MBTPS1: variants seen among roughly 807,000 people sequenced by gnomAD.
MBTPS1 encodes the protein membrane bound transcription factor peptidase, site 1.
Under a neutral mutation model 127.8 loss-of-function variants are expected in MBTPS1, and 94 were observed. The observed-to-expected ratio is 0.74, with a 90% confidence interval of 0.62 to 0.87. The LOEUF (loss-of-function observed/expected upper bound fraction) is 0.87. Ranked by LOEUF, MBTPS1 falls within the 40% of genes least tolerant of loss-of-function variation. The probability of loss-of-function intolerance (pLI) is 0.00; values close to 1 mark genes in which losing one functional copy is unlikely to be tolerated. For missense variants in MBTPS1, 1,636 were observed against 1,353.2 expected, an observed-to-expected ratio of 1.21 and a Z score of -3.28; for synonymous variants, 632 against 509.4, an observed-to-expected ratio of 1.24 and a Z score of -3.24.
intron 4 of MBTPS1, among the ~76,000 whole-genome samples, chr16:84,094,858 C>T (rs900050873): frequency 6.6e-6 from 1 of 152,022 alleles, no homozygotes; most frequent in African/African-American, 2.4e-5. Context: ...GAGGGCAGGG[C>T]GCCAAGGAGA....
chr16:84,091,342 C>A (rs566218093), intron 7 of MBTPS1, among the ~76,000 whole-genome samples: 6 of 151,942 alleles, frequency 3.9e-5, no homozygotes, highest in Non-Finnish European at 7.4e-5. Flanking sequence ...CAAAATTAGC[C>A]GGGCATGGTG....
chr16:84,061,044 C>A (rs929779435), intron 19 of MBTPS1: 5 of 329,934 alleles, frequency 1.5e-5, no homozygotes, highest in African/African-American at 8.4e-5. Flanking sequence ...TCTCAAACTC[C>A]TGGGCTCAAG....
At chr16:84,075,726 T>G (rs1235328591) in intron 11 of MBTPS1, 1 of 152,256 alleles carries the variant, frequency 6.6e-6, no homozygotes, top group African/African-American at 2.4e-5. Flanking sequence ...TGAATTGCTA[T>G]TTAAGAAACC....
At chr16:84,065,578 T>C (rs1018290346) in intron 18 of MBTPS1, 112 bp downstream of exon 18, 3 of 744,972 alleles carry the variant, frequency 4.0e-6, no homozygotes, top group Non-Finnish European at 7.1e-6. Flanking sequence ...GTAAATTATA[T>C]GCAATAAAGC....
intron 12 of MBTPS1, 77 bp from the exon 13 acceptor site, chr16:84,070,853 A>T: frequency 8.6e-7 from 1 of 1,160,404 alleles, no homozygotes; most frequent in Non-Finnish European, 1.2e-6. Context: ...GAAAAACTCA[A>T]TTCTTACCAA....
At chr16:84,088,008 G>C (rs1206953230) in intron 8 of MBTPS1, among the ~76,000 whole-genome samples, 1 of 152,104 alleles carries the variant, frequency 6.6e-6, no homozygotes, top group African/African-American at 2.4e-5. Context: ...ACTGTAGAAG[G>C]ACTATCATTA....
chr16:84,067,722 C>A lies in MBTPS1; in HGVS notation c.2173G>T (p.Asp725Tyr). ...CTCATAACAGAAGTGTTGTACCAGT[C>A]ACTGAAGATGACGAGCGAGAGGCCG... ...DNGLSLVIFS[D>Y]WYNTSVMRKV... Residue 725 changes from aspartate to tyrosine, a missense_variant, in exon 16 of 23, where the codon GAC becomes TAC. Transcript: ENST00000343411. 6.2e-7 allele frequency: 1 copy of A among 1,614,136 alleles called. No homozygotes were observed. The highest frequency in any genetic ancestry group is 1.1e-5 in the South Asian group (1 of 91,076).
intron 13 of MBTPS1, 151 bp downstream of exon 13, chr16:84,070,437 G>T (rs566337727): frequency 4.1e-6 from 3 of 735,466 alleles, no homozygotes; most frequent in Non-Finnish European, 6.5e-6. Context: ...CAGCTGCTCC[G>T]GAGGCCCTGG....
At chr16:84,106,323 GA>G (rs1157263767) in intron 1 of MBTPS1, among the ~76,000 whole-genome samples, 1 of 152,004 alleles carries the variant, frequency 6.6e-6, no homozygotes, top group Non-Finnish European at 1.5e-5. Flanking sequence ...AAATAAATAA[GA>G]AAACACAAAG....
chr16:84,090,596 A>T (rs935659517), intron 8 of MBTPS1, among the ~76,000 whole-genome samples: 2 of 152,242 alleles, frequency 1.3e-5, no homozygotes, highest in African/African-American at 4.8e-5. Context: ...AGTTAGAATA[A>T]AAACTTTAGG....
chr16:84,097,320 T>C (rs541836036), intron 3 of MBTPS1, among the ~76,000 whole-genome samples: 3 of 152,352 alleles, frequency 2.0e-5, no homozygotes, highest in East Asian at 3.9e-4. Flanking sequence ...TTTCTTCATA[T>C]GCATTATTTC....
intron 5 of MBTPS1, 21 bp downstream of exon 5, chr16:84,093,690 C>G: frequency 6.5e-7 from 1 of 1,529,246 alleles, no homozygotes; most frequent in Non-Finnish European, 9.1e-7. Flanking sequence ...TGACCACGTT[C>G]TCACTGCTGC....
At chr16:84,096,345 C>A (rs1051464114) in intron 3 of MBTPS1, among the ~76,000 whole-genome samples, 1 of 152,308 alleles carries the variant, frequency 6.6e-6, no homozygotes, top group Middle Eastern at 3.4e-3. Flanking sequence ...AAGGACTACA[C>A]AGGAGTGAGA....
chr16:84,076,429 G>C (rs1055118030), intron 11 of MBTPS1, among the ~76,000 whole-genome samples: 13 of 152,148 alleles, frequency 8.5e-5, no homozygotes, highest in African/African-American at 2.9e-4. Flanking sequence ...CACTGTGCTA[G>C]ATATACCAGC....
chr16:84,111,929 G>A lies in MBTPS1; in HGVS notation c.-325+4806C>T, dbSNP rs186056126. On this transcript the variant is annotated intron_variant, in intron 1 of 22. Transcript: ENST00000343411. ...AAAAAAAAAAAATGCAGCTGGGTGC[G>A]GTGGCTCATTCCTGTAATCCCAGCA... 1.1e-3 allele frequency among the ~76,000 whole-genome samples: 173 copies of A among 151,784 alleles called. 1 individual carries two copies. The highest frequency in any genetic ancestry group is 3.9e-3 in the African/African-American group (162 of 41,420).
At position 84,054,093 on chromosome 16, in the gene MBTPS1, T is replaced by G. The variant is rs532721576; in HGVS notation, c.*356A>C. 8.8e-5 allele frequency: 16 copies of G among 182,538 alleles called. No individual in the cohort carries two copies. Among genetic ancestry groups the G allele is most frequent in the African/African-American group, 3.7e-4 (16 of 42,834 alleles). 11.3% of individuals were successfully genotyped at this position (182,538 alleles called of 1,614,324 possible). A position where few individuals can be genotyped will look rare whatever the true frequency, so the allele number is the denominator to read the frequency against. On this transcript the variant is annotated 3_prime_UTR_variant, in exon 23 of 23. Coordinates refer to ENST00000343411, the MANE Select transcript of MBTPS1 (RefSeq NM_003791.4). Reference sequence around the variant, plus strand: ...TAGAAAATAGCCTTTAACAAGCGTCTTTTAGCTTGGTCAGGGTTGTATCAT... The same window carrying G: ...TAGAAAATAGCCTTTAACAAGCGTCGTTTAGCTTGGTCAGGGTTGTATCAT...
intron 4 of MBTPS1, among the ~76,000 whole-genome samples, chr16:84,094,571 G>A (rs907693115): frequency 6.6e-6 from 1 of 152,156 alleles, no homozygotes; most frequent in African/African-American, 2.4e-5. Context: ...TGTAAAGAGG[G>A]TAATGTCTTT....
intron 12 of MBTPS1, 95 bp from the exon 13 acceptor site, chr16:84,070,871 T>A (rs1442119258): frequency 3.1e-6 from 3 of 966,976 alleles, no homozygotes; most frequent in East Asian, 2.5e-5. Context: ...CAAAACTGGT[T>A]CCGAGAAATA....
Position 84,068,321 on chromosome 16 carries a change from C to G in MBTPS1, c.2071+18G>C, listed in dbSNP as rs1432338426. 1 of 1,505,810 alleles carries G rather than the reference C, an allele frequency of 6.6e-7. No individual in the cohort carries two copies. The highest frequency in any genetic ancestry group is 9.2e-7 in the Non-Finnish European group (1 of 1,081,874). 93.3% of individuals were successfully genotyped at this position (1,505,810 alleles called of 1,614,324 possible). A position where few individuals can be genotyped will look rare whatever the true frequency, so the allele number is the denominator to read the frequency against. On this transcript the variant is annotated intron_variant, in intron 15 of 22. Transcript: ENST00000343411. The stretch of plus-strand genomic sequence containing the variant: ...GTGGGCGGAAAGACCATCTGGCTAG[C>G]ACAGCAGTGCCACTTACCATACTGA...
Sources: allele counts gnomAD v4.1 joint callset (sites outside exome capture counted in the v4.1 genomes callset), GRCh38; gene constraint gnomAD v4.1.1; transcripts MANE v1.5; gene names NCBI Gene and HGNC (gene_info 2026-07-23, HGNC 2026-07-21).